Variants in GLIS3 observed in about 807,000 individuals in gnomAD.
The protein encoded by GLIS3 is GLIS family zinc finger 3.
GLIS3 carries 53 observed loss-of-function variants against 78.6 expected under a neutral mutation model. The ratio of observed to expected loss-of-function variants is 0.67; its 90% confidence interval spans 0.54 to 0.85. GLIS3 has a LOEUF of 0.85. Among genes scored for constraint, GLIS3 ranks in the 40% least tolerant of loss-of-function variants. The probability of loss-of-function intolerance (pLI) is 0.00; values close to 1 mark genes in which losing one functional copy is unlikely to be tolerated. For synonymous variants in GLIS3, 684 were observed against 509.9 expected, an observed-to-expected ratio of 1.34 and a Z score of -4.60; for missense variants, 1,703 against 1,231.1, an observed-to-expected ratio of 1.38 and a Z score of -5.74.
intron 2 of GLIS3, among the ~76,000 whole-genome samples, chr9:4,343,275 G>C (rs1189788067): frequency 6.6e-6 from 1 of 152,188 alleles, no homozygotes; most frequent in African/African-American, 2.4e-5. Context: ...CCAGGAGTTC[G>C]AGGCTTCAGT....
the GLIS3 span, among the ~76,000 whole-genome samples, chr9:4,441,281 T>C: frequency 1.3e-5 from 2 of 152,188 alleles, no homozygotes; most frequent in Admixed American, 1.3e-4. Context: ...ATGATGTTAG[T>C]TGTGGGTCTG....
intron 4 of GLIS3, among the ~76,000 whole-genome samples, chr9:4,077,940 A>T (rs1378024146): frequency 6.6e-6 from 1 of 152,102 alleles, no homozygotes; most frequent in African/African-American, 2.4e-5. Flanking sequence ...CTCAAGAGGG[A>T]ATAGCTATTT....
At chr9:4,237,501 T>C (rs1224026008) in intron 2 of GLIS3, among the ~76,000 whole-genome samples, 1 of 152,250 alleles carries the variant, frequency 6.6e-6, no homozygotes, top group Non-Finnish European at 1.5e-5. Flanking sequence ...CTCAGTCTAC[T>C]GAGCCCTAGG....
the GLIS3 span, among the ~76,000 whole-genome samples, chr9:4,485,360 G>A: frequency 6.6e-6 from 1 of 152,014 alleles, no homozygotes; most frequent in African/African-American, 2.4e-5. Context: ...GATTTCTGAG[G>A]ACTGGCTGAC....
chr9:4,053,639 A>G (rs10974303), intron 4 of GLIS3, among the ~76,000 whole-genome samples: 45,031 of 147,470 alleles, frequency 0.31, 7,997 homozygotes, highest in East Asian at 0.41. Flanking sequence ...CAAGGCTAAA[A>G]AAAAAAAAAA....
Position 4,049,924 on chromosome 9 carries a change from T to C in GLIS3, c.1710+67844A>G, listed in dbSNP as rs748149277. Among the ~76,000 whole-genome samples the C allele has an allele frequency of 1.7e-3, 265 of 151,830 alleles. 1 individual carries two copies. Among genetic ancestry groups the C allele is most frequent in the Non-Finnish European group, 2.8e-3 (191 of 67,814 alleles). On this transcript the variant is annotated intron_variant, in intron 4 of 10. Coordinates refer to ENST00000381971, the MANE Select transcript of GLIS3 (RefSeq NM_001042413.2). ...TACCATCTCACACCAGTTAGAATGG[T>C]GATCATTAAAAAGTCAGAAAACAAC...
chr9:4,171,341 G>C (rs1022415515), intron 2 of GLIS3, among the ~76,000 whole-genome samples: 1 of 152,112 alleles, frequency 6.6e-6, no homozygotes, highest in Non-Finnish European at 1.5e-5. Context: ...CTAGTAATAA[G>C]AAAGATTCCG....
At chr9:3,991,955 G>A (rs1056429596) in intron 4 of GLIS3, among the ~76,000 whole-genome samples, 14 of 152,122 alleles carry the variant, frequency 9.2e-5, no homozygotes, top group Non-Finnish European at 2.1e-4. Flanking sequence ...CTCCCAAAGT[G>A]CTGGGATTAC....
intron 4 of GLIS3, among the ~76,000 whole-genome samples, chr9:3,957,591 A>G (rs1422993719): frequency 6.6e-6 from 1 of 152,216 alleles, no homozygotes; most frequent in Non-Finnish European, 1.5e-5. Flanking sequence ...CAGAGGCAAC[A>G]CTAGAGAACA....
intron 2 of GLIS3, among the ~76,000 whole-genome samples, chr9:4,265,134 T>C (rs7025800): frequency 0.31 from 44,571 of 145,476 alleles, 7,053 homozygotes; most frequent in Middle Eastern, 0.37. Context: ...ATCACGCCAC[T>C]GCACTCCAAA....
chr9:4,148,853 T>G (rs1461196769), intron 2 of GLIS3, among the ~76,000 whole-genome samples: 1 of 152,182 alleles, frequency 6.6e-6, no homozygotes. Context: ...GCTGCCACTT[T>G]GTTGTCCTGG....
At chr9:4,345,071 T>G (rs971375318) in intron 2 of GLIS3, among the ~76,000 whole-genome samples, 6 of 152,176 alleles carry the variant, frequency 3.9e-5, no homozygotes, top group Non-Finnish European at 5.9e-5. Flanking sequence ...CCTTTAAACT[T>G]AAATCAGATC....
chr9:4,319,905 A>C (rs1041688373), intron 2 of GLIS3, among the ~76,000 whole-genome samples: 3 of 152,110 alleles, frequency 2.0e-5, no homozygotes, highest in African/African-American at 7.2e-5. Context: ...CCAGAATTCT[A>C]ATCTGTCTAC....
the GLIS3 span, among the ~76,000 whole-genome samples, chr9:4,375,852 T>A: frequency 1.3e-5 from 2 of 152,090 alleles, no homozygotes; most frequent in African/African-American, 2.4e-5. Flanking sequence ...GTCGTGATAG[T>A]AAGTCATTCC....
At chr9:4,461,971 T>A in the GLIS3 span, among the ~76,000 whole-genome samples, 1 of 152,202 alleles carries the variant, frequency 6.6e-6, no homozygotes, top group African/African-American at 2.4e-5. Flanking sequence ...ATAAATATTA[T>A]AATAATTGGT....
At chr9:4,455,834 C>T in the GLIS3 span, among the ~76,000 whole-genome samples, 33 of 152,108 alleles carry the variant, frequency 2.2e-4, no homozygotes, top group African/African-American at 8.0e-4. Flanking sequence ...ATGTTTAGGC[C>T]GGGTGTGGTG....
At chr9:3,970,564 C>T (rs1818305023) in intron 4 of GLIS3, among the ~76,000 whole-genome samples, 1 of 151,992 alleles carries the variant, frequency 6.6e-6, no homozygotes, top group African/African-American at 2.4e-5. Context: ...TGAACAAGGC[C>T]CAGGATGCTG....
intron 6 of GLIS3, among the ~76,000 whole-genome samples, chr9:3,926,190 C>A (rs991736311): frequency 6.6e-6 from 1 of 151,042 alleles, no homozygotes; most frequent in Non-Finnish European, 1.5e-5. Flanking sequence ...AAAGCTCATA[C>A]AGGAAGGTAC....
At chr9:4,338,498 C>A (rs1181786277) in intron 2 of GLIS3, among the ~76,000 whole-genome samples, 1 of 151,910 alleles carries the variant, frequency 6.6e-6, no homozygotes, top group African/African-American at 2.4e-5. Flanking sequence ...TACTAGACAA[C>A]CTATGAGGTA....
Sources: gnomAD v4.1 joint callset for allele counts (sites outside exome capture counted in the v4.1 genomes callset) on GRCh38, gnomAD v4.1.1 for gene constraint, MANE v1.5 for transcripts, NCBI Gene and HGNC (gene_info 2026-07-23, HGNC 2026-07-21) for gene names.